Variants in EEFSEC observed in about 807,000 individuals in gnomAD.
The protein encoded by EEFSEC is selenocysteine-specific elongation factor.
Under a neutral mutation model 42.1 loss-of-function variants are expected in EEFSEC, and 43 were observed. The ratio of observed to expected loss-of-function variants is 1.02; its 90% CI spans 0.80 to 1.32. EEFSEC has a LOEUF of 1.32. EEFSEC is among the 40% of genes most tolerant of loss of function. The pLI is 0.00. For missense variants in EEFSEC, 745 were observed against 803.6 expected (o/e 0.93, Z 0.88); for synonymous variants, 354 against 339.1 (o/e 1.04, Z -0.48).
intron 6 of EEFSEC, among the ~76,000 whole-genome samples, chr3:128,401,149 G>A (rs2107635363): frequency 6.6e-6 from 1 of 152,286 alleles, no homozygotes; most frequent in Non-Finnish European, 1.5e-5. Context: ...CCAGCACATG[G>A]GAGAGGGACC....
At position 128,167,287 on chromosome 3, in the gene EEFSEC, C is replaced by G. The variant is rs1258648436; in HGVS notation, c.316+13464C>G. On this transcript the variant is annotated intron_variant, in intron 1 of 6. Transcript: ENST00000254730. ...GATTATGTTTTCCACTGGACTTGATCTCTTTGAGGGTAGGGGCCTGTTAGC... is the reference window on the plus strand; with the variant it reads ...GATTATGTTTTCCACTGGACTTGATGTCTTTGAGGGTAGGGGCCTGTTAGC... 3.9e-5 allele frequency among the ~76,000 whole-genome samples: 6 copies of G among 152,178 alleles called. No homozygotes were observed. The East Asian group carries it at 1.2e-3, about 29-fold the overall frequency.
intron 1 of EEFSEC, among the ~76,000 whole-genome samples, chr3:128,182,881 GGC>G (rs59418039): frequency 0.13 from 13,396 of 105,020 alleles, 922 homozygotes; most frequent in South Asian, 0.16. Context: ...CAGAGATCGG[GGC>G]GGGGGGGTGG....
chr3:128,382,422 C>A (rs2067787463), intron 6 of EEFSEC, among the ~76,000 whole-genome samples: 1 of 152,194 alleles, frequency 6.6e-6, no homozygotes, highest in South Asian at 2.1e-4. Context: ...CGGCTCCATG[C>A]AGGTGCGCCT....
chr3:128,424,603 G>A, the EEFSEC span, among the ~76,000 whole-genome samples: 1 of 151,984 alleles, frequency 6.6e-6, no homozygotes, highest in African/African-American at 2.4e-5. Context: ...CAGGCTGCTT[G>A]TGAACTCCTG....
Position 128,252,416 on chromosome 3 carries a change from GCATTT to G in EEFSEC, c.524+5376_524+5380del, listed in dbSNP as rs1297680042. Among the ~76,000 whole-genome samples, 5 of 152,332 alleles carry G rather than the reference GCATTT, an allele frequency of 3.3e-5. No homozygotes were observed. In the East Asian group the frequency reaches 9.7e-4, roughly 29 times the overall value. On this transcript the variant is annotated intron_variant, in intron 2 of 6. Coordinates refer to ENST00000254730, the MANE Select transcript of EEFSEC (RefSeq NM_021937.5). ...GTCTCATAGCGTTTAATATGAGGGA[GCATTT>G]CACGTGGAGCCTGGCACACCATGGA... is the stretch of plus-strand genomic sequence containing the variant.
At chr3:128,252,290 A>G (rs1307940635) in intron 2 of EEFSEC, among the ~76,000 whole-genome samples, 1 of 152,180 alleles carries the variant, frequency 6.6e-6, no homozygotes, top group African/African-American at 2.4e-5. Context: ...TGTATTTTCC[A>G]TACTAGCTTT....
intron 6 of EEFSEC, among the ~76,000 whole-genome samples, chr3:128,366,592 C>G (rs144727009): frequency 7.2e-5 from 11 of 152,320 alleles, no homozygotes; most frequent in African/African-American, 2.2e-4. Flanking sequence ...CAGGAGGGCT[C>G]TGGCCTCACA....
intron 1 of EEFSEC, among the ~76,000 whole-genome samples, chr3:128,182,067 G>A (rs1423859785): frequency 6.6e-6 from 1 of 152,154 alleles, no homozygotes; most frequent in Non-Finnish European, 1.5e-5. Flanking sequence ...CCTGCCTTGG[G>A]CTCCCAAAGT....
At chr3:128,312,700 A>C (rs1470224563) in intron 4 of EEFSEC, among the ~76,000 whole-genome samples, 1 of 152,244 alleles carries the variant, frequency 6.6e-6, no homozygotes, top group Non-Finnish European at 1.5e-5. Context: ...GCAGGGCTAC[A>C]GCAGGTGTGG....
chr3:128,381,664 T>C (rs1161212676), intron 6 of EEFSEC, among the ~76,000 whole-genome samples: 3 of 152,140 alleles, frequency 2.0e-5, no homozygotes, highest in Non-Finnish European at 4.4e-5. Context: ...GAAGGGGTAG[T>C]TGGTCAGGCC....
intron 2 of EEFSEC, among the ~76,000 whole-genome samples, chr3:128,253,568 C>T (rs759946575): frequency 6.6e-6 from 1 of 152,180 alleles, no homozygotes; most frequent in Non-Finnish European, 1.5e-5. Flanking sequence ...TCCTGCCTTT[C>T]CCATTTTCTC....
At chr3:128,391,499 C>T (rs75502505) in intron 6 of EEFSEC, among the ~76,000 whole-genome samples, 2,251 of 152,298 alleles carry the variant, frequency 0.015, 51 homozygotes, top group African/African-American at 0.051. Context: ...CCACGACTGT[C>T]GTGGTGGTGC....
chr3:128,298,151 G>T (rs1432736691), intron 4 of EEFSEC, among the ~76,000 whole-genome samples: 1 of 152,186 alleles, frequency 6.6e-6, no homozygotes, highest in African/African-American at 2.4e-5. Context: ...GCCAGTCTAT[G>T]ACACCACTGT....
intron 6 of EEFSEC, among the ~76,000 whole-genome samples, chr3:128,370,214 G>A (rs1376881941): frequency 6.6e-6 from 1 of 152,216 alleles, no homozygotes; most frequent in Non-Finnish European, 1.5e-5. Flanking sequence ...TTCTACAGAG[G>A]TGATTTCGGG....
chr3:128,183,168 A>T (rs948822981), intron 1 of EEFSEC, among the ~76,000 whole-genome samples: 2 of 152,208 alleles, frequency 1.3e-5, no homozygotes, highest in Non-Finnish European at 2.9e-5. Context: ...AGTTGCTTCG[A>T]GAACATAGAA....
In EEFSEC at chr3:128,217,023, G is replaced by C. The variant is rs921564682; in HGVS notation, c.317-29813G>C. 3.9e-5 allele frequency among the ~76,000 whole-genome samples: 6 copies of C among 152,124 alleles called. No individual in the cohort carries two copies. The East Asian group carries it at 9.6e-4, about 24-fold the overall frequency. On this transcript the variant is annotated intron_variant, in intron 1 of 6. Transcript: ENST00000254730. ...TAGTAGATAATAATTTTTATTATAA[G>C]TATTTATATTTATCATGAAGTACAT...
At chr3:128,299,885 G>A (rs535144801) in intron 4 of EEFSEC, among the ~76,000 whole-genome samples, 4 of 152,236 alleles carry the variant, frequency 2.6e-5, no homozygotes, top group African/African-American at 4.8e-5. Context: ...GGAGCACCTC[G>A]TGCACTCTTG....
chr3:128,275,454 T>C (rs1181076170), intron 4 of EEFSEC, among the ~76,000 whole-genome samples: 1 of 152,206 alleles, frequency 6.6e-6, no homozygotes, highest in Non-Finnish European at 1.5e-5. Flanking sequence ...CCACAACCTT[T>C]CCAGATACTG....
At chr3:128,385,661 T>A (rs2067830055) in intron 6 of EEFSEC, among the ~76,000 whole-genome samples, 1 of 152,230 alleles carries the variant, frequency 6.6e-6, no homozygotes, top group East Asian at 1.9e-4. Context: ...CCTCATTGAC[T>A]TATGAGTTCC....
Sources: gnomAD v4.1 joint callset for allele counts (sites outside exome capture counted in the v4.1 genomes callset) on GRCh38, gnomAD v4.1.1 for gene constraint, MANE v1.5 for transcripts, NCBI Gene and HGNC (gene_info 2026-07-23, HGNC 2026-07-21) for gene names.